Variants in BPHL observed in about 807,000 individuals in gnomAD.
The protein encoded by BPHL is biphenyl hydrolase like, also known as serine hydrolase BPHL.
Under a neutral mutation model 31.2 loss-of-function variants are expected in BPHL, and 27 were observed. The ratio of observed to expected loss-of-function variants is 0.87; its 90% confidence interval spans 0.64 to 1.19. The LOEUF (loss-of-function observed/expected upper bound fraction) is 1.19, where lower values mean the gene tolerates loss of function less well. BPHL is among the 50% of genes most tolerant of loss of function. The pLI is 0.00. For missense variants in BPHL, 356 were observed against 375.7 expected, an observed-to-expected ratio of 0.95 and a Z score of 0.43; for synonymous variants, 150 against 146.8, an observed-to-expected ratio of 1.02 and a Z score of -0.16.
Position 3,123,763 on chromosome 6 carries a change from C to T in BPHL, c.211+3C>T, listed in dbSNP as rs369587256. The T allele has an allele frequency of 1.8e-4, 291 of 1,607,766 alleles. No individual in the cohort carries two copies. The African/African-American group carries it at 3.5e-3, about 19-fold the overall frequency. On this transcript the variant is annotated splice_donor_region_variant and intron_variant, in intron 2 of 6. Transcript: ENST00000380379. Reference sequence around the variant, plus strand: ...CCTGCTACTTCCTGGGATGTTAGGTCTGGGTACTTTTTAATGGAATGTTTT... The same window carrying T: ...CCTGCTACTTCCTGGGATGTTAGGTTTGGGTACTTTTTAATGGAATGTTTT...
chr6:3,125,539 G>T (rs866874084), intron 2 of BPHL, among the ~76,000 whole-genome samples: 1 of 152,012 alleles, frequency 6.6e-6, no homozygotes, highest in Non-Finnish European at 1.5e-5. Context: ...CTTGGCACTG[G>T]TCTTCAAATG....
chr6:3,127,738 G>A (rs972710209), intron 3 of BPHL, among the ~76,000 whole-genome samples: 3 of 151,908 alleles, frequency 2.0e-5, no homozygotes, highest in Non-Finnish European at 2.9e-5. Flanking sequence ...TAACTTTCAT[G>A]TCAATAAATA....
chr6:3,123,744 A>G lies in BPHL; in HGVS notation c.195A>G (p.Leu65=). ...QTGEGDHAVL[L]LPGMLGSGET... ...GAGAGGGAGATCACGCAGTCCTGCT[A>G]CTTCCTGGGATGTTAGGTCTGGGTA... Residue 65 remains leucine (L), a synonymous_variant, in exon 2 of 7, where the codon CTA becomes CTG. Coordinates refer to ENST00000380379, the MANE Select transcript of BPHL (RefSeq NM_004332.4). 6.2e-7 allele frequency: 1 copy of G among 1,612,698 alleles called. No individual in the cohort carries two copies.
intron 5 of BPHL, 78 bp downstream of exon 5, chr6:3,137,571 C>T: frequency 1.3e-6 from 2 of 1,573,862 alleles, no homozygotes; most frequent in Non-Finnish European, 1.7e-6. Context: ...TGGAATTGCT[C>T]AGTGATTCAT....
intron 6 of BPHL, among the ~76,000 whole-genome samples, chr6:3,145,881 GGAGTGCTGGTTTGGGTC>G (rs1252328141): frequency 3.1e-5 from 2 of 64,082 alleles, no homozygotes; most frequent in Admixed American, 1.3e-4. Flanking sequence ...GGTTTGGGTC[GGAGTGCTGGTTTGGGTC>G]GAGTGCTGGT....
intron 1 of BPHL, among the ~76,000 whole-genome samples, chr6:3,122,261 CAG>C (rs1379142856): frequency 6.6e-6 from 1 of 152,118 alleles, no homozygotes; most frequent in Non-Finnish European, 1.5e-5. Flanking sequence ...GCCTGGGCGA[CAG>C]AGTGAGACTC....
intron 4 of BPHL, among the ~76,000 whole-genome samples, chr6:3,130,689 T>C (rs1298118878): frequency 6.6e-6 from 1 of 152,246 alleles, no homozygotes; most frequent in African/African-American, 2.4e-5. Context: ...TTATTTACTC[T>C]CTGGCCCTTT....
At chr6:3,122,136 C>T (rs1380777875) in intron 1 of BPHL, among the ~76,000 whole-genome samples, 4 of 151,968 alleles carry the variant, frequency 2.6e-5, no homozygotes, top group East Asian at 3.9e-4. Context: ...AAAAATTAGC[C>T]GGGCGTGGTG....
chr6:3,139,903 C>G (rs547218256), intron 5 of BPHL: 1 of 157,436 alleles, frequency 6.4e-6, no homozygotes, highest in South Asian at 1.8e-4. Flanking sequence ...GTCACAGATG[C>G]ATCAGCGATA....
intron 6 of BPHL, among the ~76,000 whole-genome samples, chr6:3,142,181 C>T (rs188417337): frequency 5.1e-4 from 77 of 151,736 alleles, no homozygotes; most frequent in African/African-American, 9.4e-4. Flanking sequence ...TGCAATGGCG[C>T]GATCTCGGCT....
At chr6:3,148,770 T>C (rs1466005608) in intron 6 of BPHL, among the ~76,000 whole-genome samples, 1 of 152,206 alleles carries the variant, frequency 6.6e-6, no homozygotes, top group African/African-American at 2.4e-5. Context: ...GAGTCTTTTG[T>C]ATTAATATTT....
At position 3,140,431 on chromosome 6, in the gene BPHL, T is replaced by A. The variant is rs1762141840; in HGVS notation, c.710T>A (p.Leu237Ter). 6.2e-7 allele frequency: 1 copy of A among 1,613,970 alleles called. No individual in the cohort carries two copies. Among genetic ancestry groups the A allele is most frequent in the Non-Finnish European group, 8.5e-7 (1 of 1,180,018 alleles). ...CTGCCCCGGGTCCAGTGCCCCGCCT[T>A]GATTGTGCACGGTGAGAAGGATCCT... is the stretch of plus-strand genomic sequence containing the variant. ...HLLPRVQCPA[L>*]IVHGEKDPLV... Residue 237 changes from leucine to a stop codon, truncating the protein, a stop_gained, in exon 6 of 7, where the codon TTG becomes TAG. Transcript: ENST00000380379. LOFTEE classifies it high-confidence loss of function. The surrounding 1 kb of genome is among the most constrained non-coding windows in gnomAD (Gnocchi z 5.2).
chr6:3,153,105 G>A lies in BPHL; in HGVS notation c.*530G>A, dbSNP rs1241451832. On this transcript the variant is annotated 3_prime_UTR_variant, in exon 7 of 7. Transcript: ENST00000380379. ...TTCAATAGCTATGAAAATTAAATCC[G>A]ATTTTCTAAGATGAAGTTGTGACAA... 2.6e-5 allele frequency: 4 copies of A among 152,124 alleles called. No individual in the cohort carries two copies. The highest frequency in any genetic ancestry group is 5.9e-5 in the Non-Finnish European group (4 of 68,066). The allele number at this position is 152,124 out of a possible 1,614,324, so 9.4% of individuals were successfully genotyped here.
In BPHL at chr6:3,127,312, G is replaced by GTA; in HGVS notation, c.282_283insTA (p.Asp95Ter). The GTA allele has an allele frequency of 6.6e-7, 1 of 1,508,672 alleles. No individual in the cohort carries two copies. 93.5% of individuals were successfully genotyped at this position (1,508,672 alleles called of 1,614,324 possible). A position where few individuals can be genotyped will look rare whatever the true frequency, so the allele number is the denominator to read the frequency against. On this transcript the variant is annotated frameshift_variant, in exon 3 of 7. Coordinates refer to ENST00000380379, the MANE Select transcript of BPHL (RefSeq NM_004332.4). LOFTEE classifies it high-confidence loss of function. ...AGAAGCTCTTCACGGTGGTCGCCTG[G>GTA]GATCCTCGAGGCTATGGACATTCCA...
chr6:3,125,292 G>A (rs1009395745), intron 2 of BPHL, among the ~76,000 whole-genome samples: 1 of 151,836 alleles, frequency 6.6e-6, no homozygotes, highest in South Asian at 2.1e-4. Flanking sequence ...TGATCTACTC[G>A]CCCCGGCCTC....
chr6:3,136,790 G>T (rs1762026431), intron 4 of BPHL, among the ~76,000 whole-genome samples: 2 of 152,192 alleles, frequency 1.3e-5, no homozygotes, highest in South Asian at 4.1e-4. Context: ...GTTGTTTTTA[G>T]CTATTCTTCC....
intron 1 of BPHL, among the ~76,000 whole-genome samples, chr6:3,122,140 C>T (rs1341200415): frequency 7.2e-5 from 11 of 152,044 alleles, no homozygotes; most frequent in African/African-American, 2.2e-4. Context: ...ATTAGCCGGG[C>T]GTGGTGGCGG....
chr6:3,132,621 A>G (rs902035173), intron 4 of BPHL, among the ~76,000 whole-genome samples: 3 of 152,232 alleles, frequency 2.0e-5, no homozygotes, highest in Admixed American at 1.3e-4. Flanking sequence ...ACTTGAGCCC[A>G]GGAGTTCAAG....
At chr6:3,135,306 A>T (rs1761984778) in intron 4 of BPHL, among the ~76,000 whole-genome samples, 2 of 152,186 alleles carry the variant, frequency 1.3e-5, no homozygotes, top group African/African-American at 4.8e-5. Context: ...TGGAAGTGGA[A>T]AATCATTGTC....
Sources: gnomAD v4.1 joint callset for allele counts (sites outside exome capture counted in the v4.1 genomes callset) on GRCh38, gnomAD v4.1.1 for gene constraint, Gnocchi (gnomAD v3.1) non-coding constraint, MANE v1.5 for transcripts, NCBI Gene and HGNC (gene_info 2026-07-23, HGNC 2026-07-21) for gene names.